KCNN2: variants seen among roughly 807,000 people sequenced by gnomAD.
KCNN2 encodes the protein potassium calcium-activated channel subfamily N member 2, also known as small conductance calcium-activated potassium channel protein 2.
Under a neutral mutation model 55.5 loss-of-function variants are expected in KCNN2, and 24 were observed. The ratio of observed to expected loss-of-function variants is 0.43; its 90% CI spans 0.31 to 0.61. The LOEUF is 0.61. KCNN2 is among the 20% of genes least tolerant of loss of function. KCNN2 has a pLI of 0.08. For synonymous variants in KCNN2, 431 were observed against 336.1 expected (o/e 1.28, Z -3.09); for missense variants, 754 against 853.6 (o/e 0.88, Z 1.45).
chr5:114,439,116 C>T (rs774588994), intron 3 of KCNN2, among the ~76,000 whole-genome samples: 2 of 152,076 alleles, frequency 1.3e-5, no homozygotes, highest in African/African-American at 2.4e-5. Flanking sequence ...TAACCTTTTG[C>T]GTAACATCTA....
chr5:114,366,118 T>C (rs1580753564), intron 2 of KCNN2, among the ~76,000 whole-genome samples: 1 of 152,248 alleles, frequency 6.6e-6, no homozygotes, highest in African/African-American at 2.4e-5. Flanking sequence ...CATATTTTTA[T>C]AGATTAATGC....
chr5:114,228,563 G>C (rs1243052404), intron 2 of KCNN2, among the ~76,000 whole-genome samples: 2 of 151,994 alleles, frequency 1.3e-5, no homozygotes, highest in African/African-American at 4.8e-5. Context: ...GGAAAAGTTG[G>C]AAAATTTTTA....
intron 1 of KCNN2, among the ~76,000 whole-genome samples, chr5:114,192,664 T>C (rs549249041): frequency 1.3e-5 from 2 of 152,294 alleles, no homozygotes; most frequent in African/African-American, 4.8e-5. Context: ...CACGGTCATA[T>C]GTCGACCTGG....
chr5:114,241,786 ATATATATGTATATATATACG>A lies in KCNN2; in HGVS notation c.-185+20229_-185+20248del, dbSNP rs1561537185. 1.7e-4 allele frequency among the ~76,000 whole-genome samples: 4 copies of A among 24,074 alleles called. 1 individual carries two copies. The highest frequency in any genetic ancestry group is 8.7e-4 in the African/African-American group (4 of 4,610). 15.8% of individuals were successfully genotyped at this position (24,074 alleles called of 152,430 possible). Reference sequence around the variant, plus strand: ...TACGTATATATATACATATATACGTATATATATGTATATATATACGTATATATATATATGTGTGTATATAT... The same window carrying A: ...TACGTATATATATACATATATACGTATATATATATATATGTGTGTATATAT... On this transcript the variant is annotated intron_variant, in intron 2 of 10. Transcript: ENST00000512097.
intron 1 of KCNN2, among the ~76,000 whole-genome samples, chr5:114,078,211 T>C (rs960218635): frequency 1.3e-5 from 2 of 152,216 alleles, no homozygotes; most frequent in Non-Finnish European, 2.9e-5. Context: ...GGTGTCGTTT[T>C]AATTTAGGAA....
upstream of KCNN2, among the ~76,000 whole-genome samples, chr5:114,359,047 C>G (rs986855296): frequency 7.2e-5 from 11 of 152,148 alleles, no homozygotes; most frequent in Non-Finnish European, 1.0e-4. Flanking sequence ...ACCACACTCT[C>G]AATATACAGA....
chr5:114,466,226 T>C (rs1030135208), intron 4 of KCNN2, among the ~76,000 whole-genome samples: 5 of 152,112 alleles, frequency 3.3e-5, no homozygotes, highest in Admixed American at 6.5e-5. Flanking sequence ...CTTTTTATTC[T>C]TCTACCCTTC....
chr5:114,150,793 A>G (rs550498511), intron 1 of KCNN2, among the ~76,000 whole-genome samples: 72 of 152,310 alleles, frequency 4.7e-4, no homozygotes, highest in African/African-American at 1.7e-3. Flanking sequence ...AGGCTGAAGC[A>G]GGCAGATCAC....
intron 1 of KCNN2, among the ~76,000 whole-genome samples, chr5:114,085,171 G>C (rs761272517): frequency 1.3e-5 from 2 of 151,670 alleles, no homozygotes; most frequent in African/African-American, 2.4e-5. Flanking sequence ...TTTCTTCTTC[G>C]TTTTAGCTAG....
chr5:114,272,257 CACAT>C (rs1434585210), intron 2 of KCNN2, among the ~76,000 whole-genome samples: 1 of 151,798 alleles, frequency 6.6e-6, no homozygotes, highest in Non-Finnish European at 1.5e-5. Flanking sequence ...ATCATATACA[CACAT>C]ATATGTATGT....
chr5:114,068,802 CTTT>C (rs1750504942), intron 1 of KCNN2, among the ~76,000 whole-genome samples: 1 of 151,824 alleles, frequency 6.6e-6, no homozygotes, highest in African/African-American at 2.4e-5. Context: ...CTCTCTTTTC[CTTT>C]CTTTTTCTTT....
At chr5:114,275,718 C>G (rs1465079900) in intron 2 of KCNN2, among the ~76,000 whole-genome samples, 1 of 152,004 alleles carries the variant, frequency 6.6e-6, no homozygotes, top group African/African-American at 2.4e-5. Context: ...TTTGAGTCTT[C>G]TCTTTTTCTT....
intron 1 of KCNN2, among the ~76,000 whole-genome samples, chr5:114,212,833 T>G (rs1753916470): frequency 6.6e-6 from 1 of 152,098 alleles, no homozygotes; most frequent in African/African-American, 2.4e-5. Context: ...TGTCTTGGCC[T>G]AATTAGTAGT....
intron 2 of KCNN2, among the ~76,000 whole-genome samples, chr5:114,304,261 G>GT: frequency 6.6e-6 from 1 of 152,232 alleles, no homozygotes; most frequent in Non-Finnish European, 1.5e-5. Flanking sequence ...CTATAAGACA[G>GT]TTTTTACGAG....
At chr5:114,175,594 A>G (rs1379827269) in intron 1 of KCNN2, among the ~76,000 whole-genome samples, 1 of 152,180 alleles carries the variant, frequency 6.6e-6, no homozygotes, top group East Asian at 1.9e-4. Flanking sequence ...TCTGTAGGTG[A>G]AATAATTTCT....
intron 1 of KCNN2, among the ~76,000 whole-genome samples, chr5:114,145,772 A>C (rs1034755668): frequency 3.9e-5 from 6 of 152,164 alleles, no homozygotes; most frequent in Admixed American, 3.9e-4. Flanking sequence ...TATAGTTTTT[A>C]ACAGTCTGTG....
At chr5:114,143,106 T>C (rs911138027) in intron 1 of KCNN2, among the ~76,000 whole-genome samples, 31 of 152,204 alleles carry the variant, frequency 2.0e-4, no homozygotes, top group Admixed American at 2.0e-3. Flanking sequence ...ATGCTGCCAA[T>C]GCACTGGATA....
At chr5:114,302,087 T>G (rs1756177984) in intron 2 of KCNN2, among the ~76,000 whole-genome samples, 1 of 152,184 alleles carries the variant, frequency 6.6e-6, no homozygotes, top group Non-Finnish European at 1.5e-5. Context: ...CTGGAAAGTA[T>G]CTATTAGAAC....
Position 114,487,152 on chromosome 5 carries a change from C to T in KCNN2, c.1993C>T (p.Arg665Ter). The T allele has an allele frequency of 6.2e-7, 1 of 1,612,808 alleles. No individual in the cohort carries two copies. Among genetic ancestry groups the T allele is most frequent in the Non-Finnish European group, 8.5e-7 (1 of 1,179,132 alleles). Residue 665 changes from arginine to a stop codon, truncating the protein, a stop_gained, in exon 6 of 8, where the codon CGA (arginine) becomes TGA (stop). Transcript: ENST00000673685. LOFTEE classifies it high-confidence loss of function. Reference protein sequence around the residue: ...IDHAKVRKHQRKFLQAIHQLR... With the variant: ...IDHAKVRKHQ ...TCATGCAAAAGTAAGAAAACATCAA[C>T]GAAAATTCCTGCAAGCTATTCATCA...
Sources: allele counts gnomAD v4.1 joint callset (sites outside exome capture counted in the v4.1 genomes callset), GRCh38; gene constraint gnomAD v4.1.1; transcripts MANE v1.5; gene names NCBI Gene and HGNC (gene_info 2026-07-23, HGNC 2026-07-21).